Variants in CHRNA1 observed in about 807,000 individuals in gnomAD.
The protein encoded by CHRNA1 is cholinergic receptor nicotinic alpha 1 subunit, also known as acetylcholine receptor subunit alpha.
In CHRNA1, 35 loss-of-function variants were observed where a neutral mutation model predicts 47.1. That is an observed-to-expected ratio of 0.74 (90% CI 0.57 to 0.99). The LOEUF (loss-of-function observed/expected upper bound fraction) is 0.99. CHRNA1 is among the 50% of genes least tolerant of loss of function. CHRNA1 has a pLI of 0.00. For synonymous variants in CHRNA1, 229 were observed against 223.6 expected (o/e 1.02, Z -0.22); for missense variants, 506 against 591.1 (o/e 0.86, Z 1.49).
chr2:174,753,376 C>T (rs1048719302), intron 6 of CHRNA1, 127 bp downstream of exon 6: 10 of 972,126 alleles, frequency 1.0e-5, no homozygotes, highest in African/African-American at 6.4e-5. Context: ...AGCAAATGCA[C>T]CCTCCTAATG....
Position 174,754,882 on chromosome 2 carries a change from C to CTTT in CHRNA1, c.345-471_345-469dup, listed in dbSNP as rs34233623. On this transcript the variant is annotated intron_variant, in intron 4 of 8. Transcript: ENST00000348749. ...CAGGTTAGGGAAGGGGCCTACTACTCTTTTTTTTTTTTTTTTTTTTTGAGA... is the reference window on the plus strand; with the variant it reads ...CAGGTTAGGGAAGGGGCCTACTACTCTTTTTTTTTTTTTTTTTTTTTTTTGAGA... Among the ~76,000 whole-genome samples, 218 of 120,380 alleles carry CTTT rather than the reference C, an allele frequency of 1.8e-3. 4 individuals are homozygous for CTTT. Among genetic ancestry groups the CTTT allele is most frequent in the African/African-American group, 5.5e-3 (156 of 28,590 alleles). The allele number at this position is 120,380 out of a possible 152,430, so 79.0% of individuals were successfully genotyped here. A position where few individuals can be genotyped will look rare whatever the true frequency, so the allele number is the denominator to read the frequency against.
intron 1 of CHRNA1, among the ~76,000 whole-genome samples, chr2:174,761,033 C>A (rs1279585147): frequency 6.6e-6 from 1 of 152,124 alleles, no homozygotes; most frequent in African/African-American, 2.4e-5. Flanking sequence ...GGTCATGTGA[C>A]CAGTAAGGGC....
Position 174,753,482 on chromosome 2 carries a change from AG to A in CHRNA1, c.778+20del. ...GAGACCCATCAGCGTCAGCAGCAGC[AG>A]TCATGGCAACCACACCCACCTGAGT... On this transcript the variant is annotated intron_variant, in intron 6 of 8. Transcript: ENST00000348749. 2 of 1,600,926 alleles carry A rather than the reference AG, an allele frequency of 1.2e-6. No homozygotes were observed. Among genetic ancestry groups the A allele is most frequent in the Non-Finnish European group, 1.7e-6 (2 of 1,167,914 alleles).
At chr2:174,754,511 G>A in intron 4 of CHRNA1, 97 bp from the exon 5 acceptor site, 10 of 1,027,774 alleles carry the variant, frequency 9.7e-6, no homozygotes, top group Non-Finnish European at 1.5e-5. Context: ...TAATTATTCA[G>A]GTGCTAATTA....
chr2:174,758,822 A>G (rs978418679), intron 3 of CHRNA1, among the ~76,000 whole-genome samples: 1 of 152,204 alleles, frequency 6.6e-6, no homozygotes, highest in Non-Finnish European at 1.5e-5. Flanking sequence ...AGTCATTAAA[A>G]TAGACTGTCA....
chr2:174,764,315 G>C (rs1323863475), intron 1 of CHRNA1, 37 bp downstream of exon 1: 31 of 1,606,272 alleles, frequency 1.9e-5, no homozygotes, highest in Non-Finnish European at 2.6e-5. Flanking sequence ...TAGCCTCAAA[G>C]GAGAGCCCTC....
rs1442596776 is a variant in CHRNA1, at chr2:174,754,414, A to G, written c.345T>C (p.Asn115=). Residue 115 remains asparagine (N), a splice_region_variant and synonymous_variant, in exon 5 of 9, where the codon AAT becomes AAC. Transcript: ENST00000348749. The part of the protein sequence containing the change: ...IWRPDLVLYN[N]ADGDFAIVKF... ...TGACAATAGCAAAGTCACCATCTGC[A>G]CTACAATTGGGATAAAAGAGGAAAA... is the stretch of plus-strand genomic sequence containing the variant. The G allele has an allele frequency of 2.5e-6, 4 of 1,613,958 alleles. No individual in the cohort carries two copies. In the South Asian group the frequency reaches 3.3e-5, roughly 13 times the overall value.
intron 6 of CHRNA1, chr2:174,752,798 C>T (rs944993405): frequency 2.0e-5 from 3 of 149,266 alleles, no homozygotes; most frequent in African/African-American, 7.4e-5. Flanking sequence ...TGCTACCTGT[C>T]ATAAGCTTGA....
chr2:174,748,164 A>T lies in CHRNA1; in HGVS notation c.1334T>A (p.Val445Glu), dbSNP rs1304235259. Residue 445 changes from valine (V) to glutamate (E), a missense_variant, in exon 9 of 9, where the codon GTG becomes GAG. By Grantham distance (121) the Val-to-Glu change is moderately radical. Transcript: ENST00000348749. ...TAATTCAATGAGTCGACCTGCAAAC[A>T]CGGCTAGGGTTCCGATGATGCAAAC... The part of the protein sequence containing the change: ...MLVCIIGTLA[V>E]FAGRLIELNQ... 6.2e-7 allele frequency: 1 copy of T among 1,614,098 alleles called. No homozygotes were observed. The highest frequency in any genetic ancestry group is 8.5e-7 in the Non-Finnish European group (1 of 1,180,036).
At chr2:174,761,876 G>C (rs915465821) in intron 1 of CHRNA1, among the ~76,000 whole-genome samples, 3 of 152,162 alleles carry the variant, frequency 2.0e-5, no homozygotes, top group African/African-American at 4.8e-5. Context: ...TGAGCACCTT[G>C]GCCATTGAAT....
At chr2:174,750,818 C>T (rs1206298018) in intron 6 of CHRNA1, among the ~76,000 whole-genome samples, 1 of 152,048 alleles carries the variant, frequency 6.6e-6, no homozygotes, top group Admixed American at 6.5e-5. Context: ...TTGGTGGAAC[C>T]CAGGGAACTG....
intron 4 of CHRNA1, 73 bp downstream of exon 4, chr2:174,757,493 G>T: frequency 9.7e-7 from 1 of 1,035,504 alleles, no homozygotes; most frequent in Non-Finnish European, 1.5e-6. Context: ...TTCCGAGCGC[G>T]CAGCCCTTCT....
At chr2:174,759,777 A>C (rs1684064847) in intron 1 of CHRNA1, 144 bp from the exon 2 acceptor site, 1 of 1,077,030 alleles carries the variant, frequency 9.3e-7, no homozygotes, top group African/African-American at 1.6e-5. Context: ...AAGGCTCCCA[A>C]ATGCAGCAGT....
chr2:174,762,382 C>A (rs963385954), intron 1 of CHRNA1, among the ~76,000 whole-genome samples: 1 of 152,048 alleles, frequency 6.6e-6, no homozygotes, highest in Non-Finnish European at 1.5e-5. Context: ...AACAAATATG[C>A]AAATAAAAAA....
intron 7 of CHRNA1, among the ~76,000 whole-genome samples, chr2:174,749,071 T>G (rs1349140074): frequency 6.6e-6 from 1 of 152,176 alleles, no homozygotes; most frequent in Admixed American, 6.5e-5. Flanking sequence ...AGGGAGCCCA[T>G]GTGCAGTCAT....
chr2:174,761,731 T>A (rs1286372953), intron 1 of CHRNA1, among the ~76,000 whole-genome samples: 1 of 152,200 alleles, frequency 6.6e-6, no homozygotes, highest in Admixed American at 6.5e-5. Flanking sequence ...TTGAAGGGAA[T>A]ATGTTGTTTG....
intron 1 of CHRNA1, among the ~76,000 whole-genome samples, chr2:174,762,183 T>C (rs1022506967): frequency 6.6e-6 from 1 of 152,170 alleles, no homozygotes; most frequent in African/African-American, 2.4e-5. Flanking sequence ...ATTTCTTAGA[T>C]TGGTTCACTG....
Position 174,764,307 on chromosome 2 carries a change from G to A in CHRNA1, c.43+45C>T, listed in dbSNP as rs77566201. 4.4e-3 allele frequency: 7,065 copies of A among 1,597,610 alleles called. 22 individuals are homozygous for A. Among genetic ancestry groups the A allele is most frequent in the Non-Finnish European group, 5.6e-3 (6,559 of 1,169,594 alleles). ...TGATTTGGGGGCCTCCAGCACTTTAGCCTCAAAGGAGAGCCCTCTCCCCAC... is the reference window on the plus strand; with the variant it reads ...TGATTTGGGGGCCTCCAGCACTTTAACCTCAAAGGAGAGCCCTCTCCCCAC... On this transcript the variant is annotated intron_variant, in intron 1 of 8. Transcript: ENST00000348749.
rs773564310 is a variant in CHRNA1, at chr2:174,748,748, G to T, written c.1074C>A (p.Asp358Glu). The change falls in exon 8 of 9, where the codon GAC becomes GAA. Residue 358 changes from aspartate to glutamate, a missense_variant. By Grantham distance (45) the Asp-to-Glu change is conservative. Coordinates refer to ENST00000348749, the MANE Select transcript of CHRNA1 (RefSeq NM_000079.4). ...CAATGTCTTCTGTAAAAATCTTTTT[G>T]TCTTGCTTTTCTCTGGATGGTCTTT... ...TMKRPSREKQ[D>E]KKIFTEDIDI... 6 of 1,614,158 alleles carry T rather than the reference G, an allele frequency of 3.7e-6. No individual in the cohort carries two copies. The highest frequency in any genetic ancestry group is 4.2e-6 in the Non-Finnish European group (5 of 1,180,030).
Sources: gnomAD v4.1 joint callset for allele counts (sites outside exome capture counted in the v4.1 genomes callset) on GRCh38, gnomAD v4.1.1 for gene constraint, MANE v1.5 for transcripts, NCBI Gene and HGNC (gene_info 2026-07-23, HGNC 2026-07-21) for gene names.